ETNPPL: variants seen among roughly 807,000 people sequenced by gnomAD.
ETNPPL encodes the protein ethanolamine-phosphate phospho-lyase.
A neutral mutation model predicts 55.5 loss-of-function variants in ETNPPL; 30 were observed. The observed-to-expected ratio is 0.54, with a 90% CI of 0.40 to 0.73. The LOEUF (loss-of-function observed/expected upper bound fraction) is 0.73. Among genes scored for constraint, ETNPPL ranks in the 30% least tolerant of loss-of-function variants. ETNPPL has a pLI of 0.00. For missense variants in ETNPPL, 528 were observed against 607.9 expected (o/e 0.87, Z 1.38); for synonymous variants, 202 against 207.2 (o/e 0.98, Z 0.21).
chr4:108,762,737 T>C (rs944653417), intron 1 of ETNPPL, 106 bp downstream of exon 1: 11 of 1,365,302 alleles, frequency 8.1e-6, no homozygotes, highest in Non-Finnish European at 1.2e-5. Context: ...GGGCACGGAG[T>C]GCGGCTGCAG....
intron 11 of ETNPPL, among the ~76,000 whole-genome samples, chr4:108,744,470 C>T (rs1728367096): frequency 1.3e-5 from 2 of 152,028 alleles, no homozygotes; most frequent in South Asian, 4.1e-4. Context: ...CCACAAGCCA[C>T]ACTCTCTCCT....
At chr4:108,745,212 T>C (rs1728413000) in intron 11 of ETNPPL, among the ~76,000 whole-genome samples, 1 of 152,190 alleles carries the variant, frequency 6.6e-6, no homozygotes, top group African/African-American at 2.4e-5. Context: ...TATGATAGAC[T>C]ATAATTCTGA....
intron 10 of ETNPPL, 74 bp from the exon 11 acceptor site, chr4:108,746,603 G>C (rs921914939): frequency 6.5e-7 from 1 of 1,544,356 alleles, no homozygotes; most frequent in South Asian, 1.2e-5. Flanking sequence ...TGTGAACATA[G>C]AGCAGTTTAA....
At position 108,746,490 on chromosome 4, in the gene ETNPPL, A is replaced by G. The variant is rs1198139389; in HGVS notation, c.1212T>C (p.Pro404=). ...EKRVLLSADG[P]HRNVLKIKPP... ...GTTTTATTTTAAGTACATTTCTATG[A>G]GGTCCATCGGCACTGAGAAGCACTC... The change falls in exon 11 of 13, where the codon CCT becomes CCC. Residue 404 remains proline, a synonymous_variant. Transcript: ENST00000296486. The G allele has an allele frequency of 5.6e-6, 9 of 1,613,490 alleles. No homozygotes were observed. Among genetic ancestry groups the G allele is most frequent in the Non-Finnish European group, 7.6e-6 (9 of 1,179,926 alleles).
chr4:108,754,831 T>C (rs1729122351), intron 4 of ETNPPL, 121 bp from the exon 5 acceptor site: 1 of 672,242 alleles, frequency 1.5e-6, no homozygotes, highest in Admixed American at 2.9e-5. Flanking sequence ...ATCTCAACAC[T>C]GGTGCCAGAT....
chr4:108,744,471 ACT>A (rs1462381745), intron 11 of ETNPPL, among the ~76,000 whole-genome samples: 3 of 151,636 alleles, frequency 2.0e-5, no homozygotes, highest in African/African-American at 7.3e-5. Flanking sequence ...CACAAGCCAC[ACT>A]CTCTCCTCTA....
At position 108,743,761 on chromosome 4, in the gene ETNPPL, C is replaced by T; in HGVS notation, c.1371+28G>A. ...ACATTCCCCAAATTTTAAACTTTCC[C>T]CCTAAAAATAAAGTAGCCAACCCTT... On this transcript the variant is annotated intron_variant, in intron 12 of 12. Transcript: ENST00000296486. 3.4e-5 allele frequency: 51 copies of T among 1,502,804 alleles called. 1 individual carries two copies. Among genetic ancestry groups the T allele is most frequent in the Non-Finnish European group, 4.6e-5 (50 of 1,084,796 alleles). The allele number at this position is 1,502,804 out of a possible 1,614,324, so 93.1% of individuals were successfully genotyped here. A position where few individuals can be genotyped will look rare whatever the true frequency, so the allele number is the denominator to read the frequency against.
At chr4:108,755,177 C>T (rs943128259) in intron 4 of ETNPPL, among the ~76,000 whole-genome samples, 12 of 152,126 alleles carry the variant, frequency 7.9e-5, no homozygotes, top group African/African-American at 2.7e-4. Flanking sequence ...AGCATGTCCA[C>T]TTGCAAATAT....
Position 108,753,007 on chromosome 4 carries a change from G to T in ETNPPL, c.506C>A (p.Pro169Gln), listed in dbSNP as rs929410500. 2.5e-6 allele frequency: 4 copies of T among 1,587,498 alleles called. No homozygotes were observed. The African/African-American group carries it at 5.4e-5, about 22-fold the overall frequency. ...DVKKEFVHVA[P>Q]TPDTYRGKYR... ...TTTTCCTCTGTAAGTATCTGGAGTT[G>T]GTGCCTGAAAACATCAAATAATGCA... is the stretch of plus-strand genomic sequence containing the variant. Residue 169 changes from proline to glutamine, a missense_variant, in exon 6 of 13, where the codon CCA becomes CAA. Coordinates refer to ENST00000296486, the MANE Select transcript of ETNPPL (RefSeq NM_031279.4).
At chr4:108,748,765 T>A (rs1193537602) in intron 8 of ETNPPL, among the ~76,000 whole-genome samples, 1 of 152,146 alleles carries the variant, frequency 6.6e-6, no homozygotes, top group Non-Finnish European at 1.5e-5. Flanking sequence ...TTAAGTATGA[T>A]ATGAAACAAA....
chr4:108,762,614 C>G, intron 1 of ETNPPL: 2 of 643,582 alleles, frequency 3.1e-6, no homozygotes, highest in Non-Finnish European at 5.6e-6. Flanking sequence ...GCAGAGCGAG[C>G]CGGGGACTTT....
intron 3 of ETNPPL, among the ~76,000 whole-genome samples, chr4:108,756,805 A>G (rs552680200): frequency 6.6e-6 from 1 of 152,332 alleles, no homozygotes; most frequent in South Asian, 2.1e-4. Flanking sequence ...CAGCCTGGGT[A>G]ACAGACTGAG....
At chr4:108,757,959 A>G (rs756484003) in intron 3 of ETNPPL, among the ~76,000 whole-genome samples, 31 of 151,920 alleles carry the variant, frequency 2.0e-4, no homozygotes, top group Admixed American at 7.2e-4. Flanking sequence ...TCATATAATC[A>G]AATATTCACG....
intron 12 of ETNPPL, among the ~76,000 whole-genome samples, chr4:108,743,496 GT>G (rs1162135389): frequency 2.6e-5 from 4 of 152,324 alleles, no homozygotes; most frequent in South Asian, 4.1e-4. Flanking sequence ...AGGTTAGGCC[GT>G]TTTAATTCTC....
intron 1 of ETNPPL, among the ~76,000 whole-genome samples, chr4:108,760,673 T>A (rs1729473781): frequency 6.6e-6 from 1 of 152,208 alleles, no homozygotes; most frequent in Admixed American, 6.5e-5. Flanking sequence ...GGGCTTAATG[T>A]GTCAGAAGCT....
In ETNPPL at chr4:108,760,245, ACT is replaced by A; in HGVS notation, c.116_117del (p.Gln39LeufsTer4). 6.2e-7 allele frequency: 1 copy of A among 1,613,098 alleles called. No individual in the cohort carries two copies. Among genetic ancestry groups the A allele is most frequent in the Non-Finnish European group, 8.5e-7 (1 of 1,179,180 alleles). On this transcript the variant is annotated frameshift_variant, in exon 2 of 13. Transcript: ENST00000296486. LOFTEE classifies it high-confidence loss of function. ...TGTTCACCGTTCTCATCAAACATGT[ACT>A]GCCTCTGGGCTCTCACTATTTTGAT... ...DPIKIVRAQR[Q>X]YMFDENGEQY... is the part of the protein sequence containing the mutation.
chr4:108,748,600 T>C (rs1475749024), intron 8 of ETNPPL, among the ~76,000 whole-genome samples: 1 of 152,176 alleles, frequency 6.6e-6, no homozygotes, highest in Non-Finnish European at 1.5e-5. Context: ...TTATATATAC[T>C]GAACAAACTA....
intron 11 of ETNPPL, among the ~76,000 whole-genome samples, chr4:108,744,918 T>A (rs1728398925): frequency 6.6e-6 from 1 of 152,016 alleles, no homozygotes; most frequent in Non-Finnish European, 1.5e-5. Flanking sequence ...AGAGACAACC[T>A]TTCACCGTGT....
At chr4:108,747,423 A>G (rs1283583870) in intron 9 of ETNPPL, among the ~76,000 whole-genome samples, 1 of 149,884 alleles carries the variant, frequency 6.7e-6, no homozygotes, top group Non-Finnish European at 1.5e-5. Flanking sequence ...TATAAAAGCC[A>G]GGAAAGACAT....
Sources: allele counts gnomAD v4.1 joint callset (sites outside exome capture counted in the v4.1 genomes callset), GRCh38; gene constraint gnomAD v4.1.1; transcripts MANE v1.5; gene names NCBI Gene and HGNC (gene_info 2026-07-23, HGNC 2026-07-21).